SLC19A3: variants seen among roughly 807,000 people sequenced by gnomAD.
The protein encoded by SLC19A3 is solute carrier family 19 member 3, also known as thiamine transporter 2.
A neutral mutation model predicts 40.2 loss-of-function variants in SLC19A3; 31 were observed. The observed-to-expected ratio is 0.77, with a 90% CI of 0.58 to 1.04. The LOEUF (loss-of-function observed/expected upper bound fraction) is 1.04. Among genes scored for constraint, SLC19A3 ranks in the 50% least tolerant of loss-of-function variants. The pLI, the probability that SLC19A3 is intolerant of heterozygous loss-of-function variation, is 0.00. For synonymous variants in SLC19A3, 212 were observed against 227.5 expected (o/e 0.93, Z 0.61); for missense variants, 592 against 596.7 (o/e 0.99, Z 0.08).
chr2:227,717,144 A>T (rs1464080412), intron 1 of SLC19A3, among the ~76,000 whole-genome samples: 1 of 151,822 alleles, frequency 6.6e-6, no homozygotes, highest in Non-Finnish European at 1.5e-5. Flanking sequence ...CTGGGATTAC[A>T]GGCACCCGCC....
At chr2:227,712,063 A>T (rs1174709169) in intron 1 of SLC19A3, among the ~76,000 whole-genome samples, 1 of 148,754 alleles carries the variant, frequency 6.7e-6, no homozygotes, top group Non-Finnish European at 1.5e-5. Context: ...AAAAAAAAAA[A>T]AAAAAAAAAA....
intron 4 of SLC19A3, among the ~76,000 whole-genome samples, chr2:227,690,524 G>C (rs545758818): frequency 1.3e-5 from 2 of 151,696 alleles, no homozygotes; most frequent in African/African-American, 4.8e-5. Flanking sequence ...TGGCTAACAC[G>C]ATGAAACCCC....
At chr2:227,695,079 C>T (rs547606710) in intron 4 of SLC19A3, among the ~76,000 whole-genome samples, 1 of 152,150 alleles carries the variant, frequency 6.6e-6, no homozygotes, top group East Asian at 1.9e-4. Context: ...AGAAAAACTG[C>T]TTGGTTCCAT....
chr2:227,699,520 C>T lies in SLC19A3; in HGVS notation c.195G>A (p.Val65=). The T allele has an allele frequency of 6.2e-7, 1 of 1,614,148 alleles. No homozygotes were observed. Among genetic ancestry groups the T allele is most frequent in the Non-Finnish European group, 8.5e-7 (1 of 1,180,030 alleles). The change falls in exon 3 of 6, where the codon GTG becomes GTA. Residue 65 remains valine (V), a synonymous_variant. Coordinates refer to ENST00000644224, the MANE Select transcript of SLC19A3 (RefSeq NM_025243.4). Reference sequence around the variant, plus strand: ...TGAGGACAAACACAGGCAGCAGCAGCACCAGGTAGGAGTATGTCCAAACGG... The same window carrying T: ...TGAGGACAAACACAGGCAGCAGCAGTACCAGGTAGGAGTATGTCCAAACGG... ...IFPVWTYSYL[V]LLLPVFVLTD... is the part of the protein sequence containing the mutation.
intron 1 of SLC19A3, among the ~76,000 whole-genome samples, chr2:227,710,343 T>A (rs1210381017): frequency 6.6e-6 from 1 of 152,156 alleles, no homozygotes; most frequent in East Asian, 1.9e-4. Flanking sequence ...AAACACTTCT[T>A]TCAAACAGAA....
chr2:227,707,556 C>T (rs762899844), intron 1 of SLC19A3, among the ~76,000 whole-genome samples: 46 of 151,144 alleles, frequency 3.0e-4, no homozygotes, highest in African/African-American at 9.2e-4. Context: ...GCACTCCAGC[C>T]GGGCAACGGA....
At chr2:227,695,222 A>G (rs1448183280) in intron 4 of SLC19A3, among the ~76,000 whole-genome samples, 1 of 152,226 alleles carries the variant, frequency 6.6e-6, no homozygotes, top group Non-Finnish European at 1.5e-5. Flanking sequence ...AAACAAATGA[A>G]AGTAGGAATG....
At position 227,684,107 on chromosome 2, in the gene SLC19A3, C is replaced by T. The variant is rs1321929430; in HGVS notation, c.*3290G>A. 1 of 151,920 alleles carries T rather than the reference C, an allele frequency of 6.6e-6. No homozygotes were observed. Among genetic ancestry groups the T allele is most frequent in the South Asian group, 2.1e-4 (1 of 4,808 alleles). 9.4% of individuals were successfully genotyped at this position (151,920 alleles called of 1,614,324 possible). On this transcript the variant is annotated 3_prime_UTR_variant, in exon 6 of 6. Coordinates refer to ENST00000644224, the MANE Select transcript of SLC19A3 (RefSeq NM_025243.4). Reference sequence around the variant, plus strand: ...AGCCACCGTGCCAGGCCTCATTTGTCTTTTTAGAAAAGTTATACGCATATA... The same window carrying T: ...AGCCACCGTGCCAGGCCTCATTTGTTTTTTTAGAAAAGTTATACGCATATA...
intron 3 of SLC19A3, among the ~76,000 whole-genome samples, chr2:227,696,417 C>T (rs1200404594): frequency 6.6e-6 from 1 of 152,214 alleles, no homozygotes; most frequent in African/African-American, 2.4e-5. Flanking sequence ...TCACTCAGTA[C>T]AACATGCAGG....
intron 1 of SLC19A3, among the ~76,000 whole-genome samples, chr2:227,715,266 A>C (rs1696294554): frequency 1.3e-5 from 2 of 152,256 alleles, no homozygotes; most frequent in African/African-American, 4.8e-5. Flanking sequence ...CCCAAAAAAA[A>C]ATCTTTGCTG....
intron 2 of SLC19A3, among the ~76,000 whole-genome samples, chr2:227,699,831 T>A (rs373947039): frequency 1.3e-5 from 2 of 152,208 alleles, no homozygotes; most frequent in South Asian, 4.1e-4. Flanking sequence ...AGATAGTATG[T>A]ACAGTTGAGT....
rs769689872 is a variant in SLC19A3 at position 227,698,930 on chromosome 2, A to G, written c.785T>C (p.Phe262Ser). 4 of 1,614,110 alleles carry G rather than the reference A, an allele frequency of 2.5e-6. No homozygotes were observed. The Admixed American group carries it at 6.7e-5, about 27-fold the overall frequency. The stretch of plus-strand genomic sequence containing the variant: ...CTTCAAATCTTGGAACCACTGCACA[A>G]AAACGTCCACAGTCACATTGCTTGG... The part of the protein sequence containing the change: ...LKPSNVTVDV[F>S]VQWFQDLKEC... The change falls in exon 3 of 6, where the codon TTT becomes TCT. Residue 262 changes from phenylalanine to serine, a missense_variant. Physicochemically the swap from Phe to Ser is radical, Grantham distance 155 (BLOSUM62 -2). Coordinates refer to ENST00000644224, the MANE Select transcript of SLC19A3 (RefSeq NM_025243.4).
At position 227,688,326 on chromosome 2, in the gene SLC19A3, A is replaced by T. The variant is rs764765568; in HGVS notation, c.1173-19T>A. On this transcript the variant is annotated intron_variant, in intron 4 of 5. Transcript: ENST00000644224. ...CTGAAATCTATCATTAAACATAAAT[A>T]AGCATTTTAACTATAATATACATGG... 8.7e-6 allele frequency: 14 copies of T among 1,611,370 alleles called. No homozygotes were observed. The South Asian group carries it at 1.5e-4, about 18-fold the overall frequency.
rs2106317021 is a variant in SLC19A3, at chr2:227,687,329, C to T, written c.*68G>A. Reference sequence around the variant, plus strand: ...TCAAGTTATGGCAAAACATATGCCACCCATCTCAAAATCTTTCCTTATTAT... The same window carrying T: ...TCAAGTTATGGCAAAACATATGCCATCCATCTCAAAATCTTTCCTTATTAT... On this transcript the variant is annotated 3_prime_UTR_variant, in exon 6 of 6. Transcript: ENST00000644224. 1 of 1,471,574 alleles carries T rather than the reference C, an allele frequency of 6.8e-7. No individual in the cohort carries two copies. The highest frequency in any genetic ancestry group is 1.3e-5 in the South Asian group (1 of 77,112). 91.2% of individuals were successfully genotyped at this position (1,471,574 alleles called of 1,614,324 possible).
chr2:227,701,662 A>T (rs1695699989), intron 2 of SLC19A3: 1 of 154,826 alleles, frequency 6.5e-6, no homozygotes. Context: ...AAAGAAAGAA[A>T]GAAAAAGAAA....
intron 1 of SLC19A3, among the ~76,000 whole-genome samples, chr2:227,717,128 G>T (rs1009925796): frequency 3.3e-5 from 5 of 150,044 alleles, no homozygotes; most frequent in African/African-American, 1.2e-4. Context: ...TCAGCCTCCA[G>T]TGTAGCTGGG....
In SLC19A3 at chr2:227,694,595, A is replaced by T. The variant is rs184999521; in HGVS notation, c.1172+1294T>A. The stretch of plus-strand genomic sequence containing the variant: ...GCAATTTGAAATTCAAATGTTTCTC[A>T]TTTTTTTTGGTTAATAGCAAAGCAT... On this transcript the variant is annotated intron_variant, in intron 4 of 5. Transcript: ENST00000644224. 9.3e-4 allele frequency among the ~76,000 whole-genome samples: 142 copies of T among 152,000 alleles called. 1 individual carries two copies. The East Asian group carries it at 0.024, about 25-fold the overall frequency.
intron 1 of SLC19A3, among the ~76,000 whole-genome samples, chr2:227,713,279 T>G (rs983562405): frequency 2.6e-5 from 4 of 151,664 alleles, no homozygotes; most frequent in African/African-American, 7.3e-5. Flanking sequence ...GGTATATGCC[T>G]GTAGTCCTAG....
intron 3 of SLC19A3, among the ~76,000 whole-genome samples, chr2:227,696,770 T>A (rs1290198564): frequency 6.6e-6 from 1 of 152,134 alleles, no homozygotes; most frequent in Non-Finnish European, 1.5e-5. Context: ...TTAACAAAGG[T>A]AAAAGGTATT....
Sources: gnomAD v4.1 joint callset for allele counts (sites outside exome capture counted in the v4.1 genomes callset) on GRCh38, gnomAD v4.1.1 for gene constraint, MANE v1.5 for transcripts, NCBI Gene and HGNC (gene_info 2026-07-23, HGNC 2026-07-21) for gene names.